Variants in KCNT2 observed in about 807,000 individuals in gnomAD.
The protein encoded by KCNT2 is potassium channel subfamily T member 2.
A neutral mutation model predicts 153.8 loss-of-function variants in KCNT2; 67 were observed. The observed-to-expected ratio is 0.44, with a 90% CI of 0.36 to 0.53. The LOEUF (loss-of-function observed/expected upper bound fraction) is 0.53. KCNT2 is among the 20% of genes least tolerant of loss of function. KCNT2 has a pLI of 0.00. For missense variants in KCNT2, 975 were observed against 1,354.8 expected (o/e 0.72, Z 4.40); for synonymous variants, 500 against 458.8 (o/e 1.09, Z -1.15).
chr1:196,342,646 C>T (rs1486770392), intron 14 of KCNT2, among the ~76,000 whole-genome samples: 2 of 151,492 alleles, frequency 1.3e-5, no homozygotes, highest in Non-Finnish European at 2.9e-5. Context: ...CGTTATCTTA[C>T]CTATGATACC....
intron 1 of KCNT2, among the ~76,000 whole-genome samples, chr1:196,560,505 A>T (rs1050589507): frequency 1.3e-5 from 2 of 151,902 alleles, no homozygotes; most frequent in African/African-American, 4.8e-5. Context: ...AAAGCTAAGT[A>T]GGCTTTTTGT....
At position 196,585,324 on chromosome 1, in the gene KCNT2, G is replaced by C. The variant is rs113637637; in HGVS notation, c.95+22891C>G. On this transcript the variant is annotated intron_variant, in intron 1 of 27. Transcript: ENST00000294725. ...TACACAAATTATCTCTTCAAAGAGAGGATGGGACTTGACTTACACATCAAG... is the reference window on the plus strand; with the variant it reads ...TACACAAATTATCTCTTCAAAGAGACGATGGGACTTGACTTACACATCAAG... Among the ~76,000 whole-genome samples, 542 of 152,220 alleles carry C rather than the reference G, an allele frequency of 3.6e-3. 2 individuals carry two copies. The highest frequency in any genetic ancestry group is 0.012 in the African/African-American group (515 of 41,558).
At chr1:196,504,125 G>T (rs1482415735) in intron 1 of KCNT2, among the ~76,000 whole-genome samples, 1 of 152,018 alleles carries the variant, frequency 6.6e-6, no homozygotes, top group Non-Finnish European at 1.5e-5. Flanking sequence ...GGGTACATGT[G>T]CACAATGTGC....
At chr1:196,428,371 G>T in intron 9 of KCNT2, 102 bp from the exon 10 acceptor site, 1 of 765,666 alleles carries the variant, frequency 1.3e-6, no homozygotes, top group Non-Finnish European at 2.1e-6. Flanking sequence ...TTTCCTAGAT[G>T]GAACTCATTG....
chr1:196,286,640 C>CAT lies in KCNT2; in HGVS notation c.2596-883_2596-882insAT, dbSNP rs1331047241. Among the ~76,000 whole-genome samples the CAT allele has an allele frequency of 1.5e-3, 193 of 129,460 alleles. 1 individual carries two copies. The highest frequency in any genetic ancestry group is 5.8e-3 in the African/African-American group (179 of 30,666). 84.9% of individuals were successfully genotyped at this position (129,460 alleles called of 152,430 possible). A position where few individuals can be genotyped will look rare whatever the true frequency, so the allele number is the denominator to read the frequency against. Reference sequence around the variant, plus strand: ...TATCACACACACACACACACACATACACACACACACACACACACACACACG... The same window carrying CAT: ...TATCACACACACACACACACACATACATACACACACACACACACACACACACG... On this transcript the variant is annotated intron_variant, in intron 22 of 27. Coordinates refer to ENST00000294725, the MANE Select transcript of KCNT2 (RefSeq NM_198503.5).
chr1:196,513,511 T>G (rs972533725), intron 1 of KCNT2, among the ~76,000 whole-genome samples: 2 of 152,228 alleles, frequency 1.3e-5, no homozygotes, highest in African/African-American at 4.8e-5. Context: ...CTTTATTTCC[T>G]CAACCAGACT....
At chr1:196,386,513 T>C (rs1259839541) in intron 13 of KCNT2, among the ~76,000 whole-genome samples, 1 of 152,120 alleles carries the variant, frequency 6.6e-6, no homozygotes, top group African/African-American at 2.4e-5. Flanking sequence ...TTGTAGTTCT[T>C]ATGTTATTTT....
intron 26 of KCNT2, among the ~76,000 whole-genome samples, chr1:196,251,122 G>T (rs1317896509): frequency 6.6e-6 from 1 of 152,008 alleles, no homozygotes; most frequent in East Asian, 1.9e-4. Context: ...TCACTGCTAG[G>T]TATATACCCA....
chr1:196,477,628 G>T (rs1042886951), intron 5 of KCNT2, among the ~76,000 whole-genome samples: 4 of 152,058 alleles, frequency 2.6e-5, no homozygotes, highest in Non-Finnish European at 4.4e-5. Flanking sequence ...TGATGTGCTA[G>T]ATATGAGTTC....
intron 21 of KCNT2, among the ~76,000 whole-genome samples, chr1:196,307,339 G>A (rs1394158318): frequency 1.3e-5 from 2 of 151,816 alleles, no homozygotes; most frequent in South Asian, 2.1e-4. Context: ...TCTATACTAC[G>A]AAATCACTAC....
At chr1:196,378,043 A>G (rs1669122665) in intron 13 of KCNT2, among the ~76,000 whole-genome samples, 1 of 152,176 alleles carries the variant, frequency 6.6e-6, no homozygotes, top group African/African-American at 2.4e-5. Context: ...AGAGAGGCCT[A>G]GAAGAAATCC....
intron 7 of KCNT2, among the ~76,000 whole-genome samples, chr1:196,467,247 G>C (rs1677699370): frequency 6.6e-6 from 1 of 151,982 alleles, no homozygotes; most frequent in Non-Finnish European, 1.5e-5. Context: ...AACCAATAAG[G>C]TTTTTAGTGA....
At chr1:196,569,446 TA>T (rs1243023397) in intron 1 of KCNT2, among the ~76,000 whole-genome samples, 1 of 152,178 alleles carries the variant, frequency 6.6e-6, no homozygotes, top group Non-Finnish European at 1.5e-5. Context: ...TGATTTTCAA[TA>T]AAAAATATTT....
intron 25 of KCNT2, among the ~76,000 whole-genome samples, chr1:196,271,835 AC>A (rs1443593772): frequency 6.6e-6 from 1 of 151,934 alleles, no homozygotes; most frequent in Non-Finnish European, 1.5e-5. Context: ...GAGAATACTT[AC>A]TTTACATATT....
chr1:196,568,754 G>A (rs1339378454), intron 1 of KCNT2, among the ~76,000 whole-genome samples: 1 of 147,400 alleles, frequency 6.8e-6, no homozygotes, highest in African/African-American at 2.5e-5. Context: ...TGAGGCTGGG[G>A]ACCCCTGGTT....
At chr1:196,258,589 TTCTACTC>T in intron 25 of KCNT2, 95 bp from the exon 26 acceptor site, 4 of 1,011,190 alleles carry the variant, frequency 4.0e-6, no homozygotes, top group Non-Finnish European at 5.8e-6. Flanking sequence ...ATTGTTATAT[TTCTACTC>T]AGGAGAGTTT....
At chr1:196,541,279 C>G (rs1288485091) in intron 1 of KCNT2, among the ~76,000 whole-genome samples, 2 of 151,416 alleles carry the variant, frequency 1.3e-5, no homozygotes, top group African/African-American at 4.9e-5. Context: ...TTGAAAAAAA[C>G]AGAAATAAAA....
intron 3 of KCNT2, among the ~76,000 whole-genome samples, chr1:196,489,272 T>C (rs1282874167): frequency 6.6e-6 from 1 of 151,992 alleles, no homozygotes; most frequent in Non-Finnish European, 1.5e-5. Context: ...TAACTATTGT[T>C]TGCCACTTTG....
intron 23 of KCNT2, among the ~76,000 whole-genome samples, chr1:196,282,910 T>C (rs918967401): frequency 6.6e-6 from 1 of 152,200 alleles, no homozygotes; most frequent in Admixed American, 6.5e-5. Flanking sequence ...AGTGGCATGA[T>C]AGCGGCTCAC....
Sources: allele counts gnomAD v4.1 joint callset (sites outside exome capture counted in the v4.1 genomes callset), GRCh38; gene constraint gnomAD v4.1.1; transcripts MANE v1.5; gene names NCBI Gene and HGNC (gene_info 2026-07-23, HGNC 2026-07-21).